Variants in ASIC2 observed in about 807,000 individuals in gnomAD.
The protein encoded by ASIC2 is acid-sensing ion channel 2.
ASIC2 carries 25 observed loss-of-function variants against 57.3 expected under a neutral mutation model. That is an observed-to-expected ratio of 0.44 (90% CI 0.32 to 0.61). The LOEUF (loss-of-function observed/expected upper bound fraction) is 0.61. Ranked by LOEUF, ASIC2 falls within the 20% of genes least tolerant of loss-of-function variation. The pLI is 0.06. For missense variants in ASIC2, 641 were observed against 738.1 expected (o/e 0.87, Z 1.52); for synonymous variants, 319 against 307.5 (o/e 1.04, Z -0.39).
At chr17:33,225,407 G>A (rs1226888765) in intron 1 of ASIC2, among the ~76,000 whole-genome samples, 1 of 152,228 alleles carries the variant, frequency 6.6e-6, no homozygotes, top group African/African-American at 2.4e-5. Flanking sequence ...CTTCCTCACA[G>A]GGTTATTGCA....
chr17:34,149,106 T>C (rs1904412025), intron 1 of ASIC2, among the ~76,000 whole-genome samples: 1 of 121,612 alleles, frequency 8.2e-6, no homozygotes, highest in African/African-American at 3.5e-5. Flanking sequence ...TTTTCTTTTT[T>C]TTCTTTTCTT....
At chr17:33,104,538 TC>T (rs1256924032) in intron 2 of ASIC2, among the ~76,000 whole-genome samples, 1 of 152,232 alleles carries the variant, frequency 6.6e-6, no homozygotes, top group African/African-American at 2.4e-5. Context: ...AACGGGGGTT[TC>T]CATCTCCAGT....
intron 1 of ASIC2, among the ~76,000 whole-genome samples, chr17:33,698,211 C>A (rs1313027249): frequency 6.6e-6 from 1 of 152,064 alleles, no homozygotes; most frequent in Non-Finnish European, 1.5e-5. Flanking sequence ...AGGAATGAAT[C>A]CCTATAGTGT....
chr17:33,374,375 G>C (rs1239931989), intron 1 of ASIC2, among the ~76,000 whole-genome samples: 1 of 152,004 alleles, frequency 6.6e-6, no homozygotes, highest in African/African-American at 2.4e-5. Flanking sequence ...TGACTCAATG[G>C]GTCCCGTGGC....
intron 1 of ASIC2, among the ~76,000 whole-genome samples, chr17:33,277,360 C>T (rs1274614764): frequency 1.3e-5 from 2 of 152,200 alleles, no homozygotes; most frequent in Non-Finnish European, 2.9e-5. Context: ...ACCGACCTGG[C>T]TTTGGTACCA....
chr17:33,269,500 C>T (rs757263014), intron 1 of ASIC2, among the ~76,000 whole-genome samples: 1 of 152,228 alleles, frequency 6.6e-6, no homozygotes, highest in Non-Finnish European at 1.5e-5. Flanking sequence ...AACACACCAG[C>T]CTCCTGGCCT....
At chr17:34,060,802 G>C (rs953140365) in intron 1 of ASIC2, among the ~76,000 whole-genome samples, 1 of 152,022 alleles carries the variant, frequency 6.6e-6, no homozygotes, top group African/African-American at 2.4e-5. Flanking sequence ...AAGACAAAGA[G>C]AAAAGAATAA....
At chr17:33,348,448 C>G (rs1323889272) in intron 1 of ASIC2, among the ~76,000 whole-genome samples, 1 of 152,102 alleles carries the variant, frequency 6.6e-6, no homozygotes, top group Non-Finnish European at 1.5e-5. Context: ...AAAAACATCT[C>G]CACTCACGAG....
At chr17:33,406,281 A>C (rs565229934) in intron 1 of ASIC2, among the ~76,000 whole-genome samples, 46 of 152,330 alleles carry the variant, frequency 3.0e-4, no homozygotes, top group African/African-American at 1.0e-3. Flanking sequence ...CAGCCCACAG[A>C]CTTGATATGA....
intron 1 of ASIC2, among the ~76,000 whole-genome samples, chr17:33,326,004 C>T (rs899010591): frequency 1.3e-5 from 2 of 152,288 alleles, no homozygotes; most frequent in East Asian, 1.9e-4. Context: ...ACTTAATTCT[C>T]AGGAGAGCCC....
intron 3 of ASIC2, among the ~76,000 whole-genome samples, chr17:33,058,470 C>CAAAAAAA (rs10612611): frequency 1.7e-4 from 19 of 109,660 alleles, no homozygotes; most frequent in African/African-American, 5.5e-4. Flanking sequence ...TCTGAGAAGT[C>CAAAAAAA]AAAAAAAAAA....
intron 1 of ASIC2, among the ~76,000 whole-genome samples, chr17:33,699,160 A>T (rs1028700677): frequency 6.6e-6 from 1 of 152,298 alleles, no homozygotes; most frequent in African/African-American, 2.4e-5. Context: ...AGCCTGTAAC[A>T]CTGGTTCTCT....
intron 1 of ASIC2, among the ~76,000 whole-genome samples, chr17:33,868,607 C>T (rs901749146): frequency 2.0e-5 from 3 of 152,098 alleles, no homozygotes; most frequent in African/African-American, 7.2e-5. Context: ...GATTGGACTT[C>T]ATTAAAATTA....
In ASIC2 at chr17:33,978,540, C is replaced by T. The variant is rs71379447; in HGVS notation, c.555+177438G>A. 8.4e-4 allele frequency among the ~76,000 whole-genome samples: 128 copies of T among 152,332 alleles called. 1 individual carries two copies. Among genetic ancestry groups the T allele is most frequent in the Non-Finnish European group, 1.2e-3 (83 of 68,026 alleles). Reference sequence around the variant, plus strand: ...TACAGAGTCTGGAACTGTGCCTGCCCGCATAGTGCACACTCACAGCCAGCT... The same window carrying T: ...TACAGAGTCTGGAACTGTGCCTGCCTGCATAGTGCACACTCACAGCCAGCT... On this transcript the variant is annotated intron_variant, in intron 1 of 9. Coordinates refer to the ASIC2 transcript ENST00000359872.
chr17:33,541,104 T>A (rs1915395832), intron 1 of ASIC2, among the ~76,000 whole-genome samples: 1 of 152,170 alleles, frequency 6.6e-6, no homozygotes, highest in African/African-American at 2.4e-5. Context: ...TATTTGTGTG[T>A]CTTTAATGTA....
At chr17:33,856,523 T>TGGC (rs1913946568) in intron 1 of ASIC2, among the ~76,000 whole-genome samples, 3 of 90,982 alleles carry the variant, frequency 3.3e-5, no homozygotes, top group East Asian at 2.8e-4. Context: ...GTGGTGGTGG[T>TGGC]AGTAGTAGTG....
intron 1 of ASIC2, among the ~76,000 whole-genome samples, chr17:33,365,158 C>CACCTT (rs1908759269): frequency 1.3e-5 from 2 of 152,184 alleles, no homozygotes; most frequent in Non-Finnish European, 2.9e-5. Context: ...ACAGAACCCT[C>CACCTT]TGCCTTTGTC....
intron 1 of ASIC2, among the ~76,000 whole-genome samples, chr17:33,130,492 C>T (rs1276113879): frequency 6.6e-6 from 1 of 152,182 alleles, no homozygotes; most frequent in African/African-American, 2.4e-5. Context: ...GATGAAGCAA[C>T]CACAAACAAT....
intron 1 of ASIC2, among the ~76,000 whole-genome samples, chr17:33,501,805 G>T (rs1168118846): frequency 6.6e-6 from 1 of 152,158 alleles, no homozygotes; most frequent in East Asian, 1.9e-4. Flanking sequence ...TAGTTCCTCA[G>T]TACCTAAACT....
Sources: allele counts gnomAD v4.1 joint callset (sites outside exome capture counted in the v4.1 genomes callset), GRCh38; gene constraint gnomAD v4.1.1; transcripts MANE v1.5; gene names NCBI Gene and HGNC (gene_info 2026-07-23, HGNC 2026-07-21).